TSHZ2: variants seen among roughly 807,000 people sequenced by gnomAD.
TSHZ2 encodes teashirt zinc finger homeobox 2.
A neutral mutation model predicts 74.4 loss-of-function variants in TSHZ2; 21 were observed. The ratio of observed to expected loss-of-function variants is 0.28; its 90% CI spans 0.20 to 0.41. The LOEUF is 0.41. Among genes scored for constraint, TSHZ2 ranks in the 10% least tolerant of loss-of-function variants. The pLI is 1.00. For missense variants in TSHZ2, 1,244 were observed against 1,293.5 expected, an observed-to-expected ratio of 0.96 and a Z score of 0.59; for synonymous variants, 540 against 515.3, an observed-to-expected ratio of 1.05 and a Z score of -0.65.
intron 1 of TSHZ2, among the ~76,000 whole-genome samples, chr20:53,249,049 C>G (rs1373782089): frequency 6.6e-6 from 1 of 151,922 alleles, no homozygotes; most frequent in African/African-American, 2.4e-5. Context: ...CCATGTTGGC[C>G]AGGCTGGTCT....
chr20:53,203,322 G>A (rs1305806914), intron 1 of TSHZ2, among the ~76,000 whole-genome samples: 1 of 151,830 alleles, frequency 6.6e-6, no homozygotes, highest in Non-Finnish European at 1.5e-5. Context: ...AGCTTCCTGA[G>A]TAGCAGGGAT....
intron 1 of TSHZ2, among the ~76,000 whole-genome samples, chr20:53,207,843 A>G (rs906169162): frequency 1.4e-5 from 2 of 147,598 alleles, no homozygotes; most frequent in African/African-American, 2.5e-5. Flanking sequence ...CATCGTGCCC[A>G]GATACATTGT....
chr20:53,025,451 G>A (rs1195943188), intron 1 of TSHZ2, among the ~76,000 whole-genome samples: 1 of 152,128 alleles, frequency 6.6e-6, no homozygotes, highest in Admixed American at 6.5e-5. Context: ...AAGCCCAGAT[G>A]ATGAAGTCCA....
chr20:53,324,627 C>T (rs1600810957), intron 2 of TSHZ2, among the ~76,000 whole-genome samples: 1 of 152,190 alleles, frequency 6.6e-6, no homozygotes, highest in African/African-American at 2.4e-5. Flanking sequence ...CCACCCACCT[C>T]AGCCTCCCAA....
chr20:53,204,100 T>TGATATGATACTATATCATCATATG (rs1989080688), intron 1 of TSHZ2, among the ~76,000 whole-genome samples: 1 of 99,804 alleles, frequency 1.0e-5, no homozygotes, highest in Non-Finnish European at 2.3e-5. Context: ...CATATGATGA[T>TGATATGATACTATATCATCATATG]ATGATATACT....
At chr20:53,324,961 G>A (rs1979431065) in intron 2 of TSHZ2, among the ~76,000 whole-genome samples, 1 of 152,208 alleles carries the variant, frequency 6.6e-6, no homozygotes, top group Admixed American at 6.5e-5. Flanking sequence ...AGTGACAACA[G>A]TCAATGCAGG....
intron 2 of TSHZ2, among the ~76,000 whole-genome samples, chr20:53,345,993 A>T (rs1387048651): frequency 6.6e-6 from 1 of 152,170 alleles, no homozygotes; most frequent in Non-Finnish European, 1.5e-5. Context: ...AAATGAGAAG[A>T]GCCAGCAAAC....
intron 2 of TSHZ2, among the ~76,000 whole-genome samples, chr20:53,297,923 A>C (rs779171205): frequency 6.6e-6 from 1 of 152,250 alleles, no homozygotes; most frequent in South Asian, 2.1e-4. Context: ...TCTTACAGAT[A>C]TCAAAGAATT....
intron 1 of TSHZ2, chr20:53,185,796 C>A: frequency 1.6e-6 from 2 of 1,237,612 alleles, no homozygotes; most frequent in Admixed American, 2.3e-5. Flanking sequence ...AATTAATAAT[C>A]CCTTGCTTGT....
intron 2 of TSHZ2, among the ~76,000 whole-genome samples, chr20:53,382,375 A>T (rs156622): frequency 2.0e-5 from 3 of 152,052 alleles, no homozygotes; most frequent in Non-Finnish European, 2.9e-5. Flanking sequence ...CCAAAGTTCC[A>T]TTCCTCTGCC....
chr20:53,274,744 C>A (rs1176023892), intron 2 of TSHZ2, among the ~76,000 whole-genome samples: 1 of 152,254 alleles, frequency 6.6e-6, no homozygotes, highest in Non-Finnish European at 1.5e-5. Flanking sequence ...ATCACACATG[C>A]AGAAACGTTG....
At chr20:53,372,076 T>G (rs1981494424) in intron 2 of TSHZ2, among the ~76,000 whole-genome samples, 1 of 152,090 alleles carries the variant, frequency 6.6e-6, no homozygotes, top group African/African-American at 2.4e-5. Flanking sequence ...CCACCCTAAT[T>G]GAGTCTGACC....
At chr20:53,283,541 C>T (rs570793750) in intron 2 of TSHZ2, among the ~76,000 whole-genome samples, 1 of 152,258 alleles carries the variant, frequency 6.6e-6, no homozygotes, top group East Asian at 1.9e-4. Flanking sequence ...GACTTTAGGG[C>T]TTGCTGGGAA....
chr20:53,187,688 T>A (rs944607157), intron 1 of TSHZ2, among the ~76,000 whole-genome samples: 1 of 141,640 alleles, frequency 7.1e-6, no homozygotes, highest in Admixed American at 7.2e-5. Flanking sequence ...TGAAAAGTTC[T>A]CAGTGCTGTT....
chr20:53,472,242 A>G (rs1985830012), intron 2 of TSHZ2, among the ~76,000 whole-genome samples: 1 of 152,252 alleles, frequency 6.6e-6, no homozygotes, highest in African/African-American at 2.4e-5. Context: ...CGAATGCCAC[A>G]GCCATCCAGG....
At chr20:53,268,971 A>C (rs1990774585) in intron 2 of TSHZ2, among the ~76,000 whole-genome samples, 1 of 152,172 alleles carries the variant, frequency 6.6e-6, no homozygotes, top group Non-Finnish European at 1.5e-5. Flanking sequence ...TAAAATTCCA[A>C]CTAATAATAC....
intron 1 of TSHZ2, among the ~76,000 whole-genome samples, chr20:53,059,520 TAC>T (rs1418462989): frequency 6.6e-6 from 1 of 152,204 alleles, no homozygotes; most frequent in Non-Finnish European, 1.5e-5. Flanking sequence ...AACAGAGTCT[TAC>T]AGATGACAAA....
At chr20:53,425,507 G>A (rs1329529360) in intron 2 of TSHZ2, among the ~76,000 whole-genome samples, 2 of 152,190 alleles carry the variant, frequency 1.3e-5, no homozygotes. Context: ...CTTCACGGGT[G>A]TATATTGAGA....
intron 1 of TSHZ2, among the ~76,000 whole-genome samples, chr20:53,162,600 G>A (rs756939465): frequency 6.6e-6 from 1 of 152,186 alleles, no homozygotes; most frequent in African/African-American, 2.4e-5. Flanking sequence ...AGCCCAGGAC[G>A]TGACTGCAGG....
Sources: gnomAD v4.1 joint callset for allele counts (sites outside exome capture counted in the v4.1 genomes callset) on GRCh38, gnomAD v4.1.1 for gene constraint, MANE v1.5 for transcripts, NCBI Gene and HGNC (gene_info 2026-07-23, HGNC 2026-07-21) for gene names.